The following CCPG1 variants were observed in gnomAD, a reference collection of about 807,000 sequenced individuals.
The protein encoded by CCPG1 is cell cycle progression 1.
CCPG1 carries 46 observed loss-of-function variants against 81.3 expected under a neutral mutation model. The observed-to-expected ratio is 0.57, with a 90% CI of 0.45 to 0.72. The LOEUF (loss-of-function observed/expected upper bound fraction) is 0.72. Ranked by LOEUF, CCPG1 falls within the 30% of genes least tolerant of loss-of-function variation. CCPG1 has a pLI of 0.00. For synonymous variants in CCPG1, 330 were observed against 305.2 expected, an observed-to-expected ratio of 1.08 and a Z score of -0.85; for missense variants, 902 against 937.6, an observed-to-expected ratio of 0.96 and a Z score of 0.50.
intron 6 of CCPG1, among the ~76,000 whole-genome samples, chr15:55,369,825 G>C (rs1187344983): frequency 6.6e-6 from 1 of 152,124 alleles, no homozygotes; most frequent in Non-Finnish European, 1.5e-5. Context: ...CAAAGGTCAT[G>C]TAAATGGTGA....
intron 5 of CCPG1, chr15:55,374,175 G>C: frequency 7.8e-7 from 1 of 1,288,990 alleles, no homozygotes; most frequent in Non-Finnish European, 1.0e-6. Flanking sequence ...GAGTTGGCTA[G>C]GAACATGGTG....
At chr15:55,404,780 T>G (rs1336365677) in intron 1 of CCPG1, among the ~76,000 whole-genome samples, 1 of 152,002 alleles carries the variant, frequency 6.6e-6, no homozygotes, top group Non-Finnish European at 1.5e-5. Context: ...ACATAAAATT[T>G]TAAAATTAGG....
At chr15:55,387,210 C>T (rs2141307707) in intron 2 of CCPG1, among the ~76,000 whole-genome samples, 1 of 152,324 alleles carries the variant, frequency 6.6e-6, no homozygotes, top group East Asian at 1.9e-4. Context: ...ACCCTAATGA[C>T]ACACTTGACT....
At chr15:55,407,420 T>C (rs1384926530) in intron 1 of CCPG1, among the ~76,000 whole-genome samples, 2 of 152,212 alleles carry the variant, frequency 1.3e-5, no homozygotes, top group Non-Finnish European at 1.5e-5. Context: ...TTTCAAGCAC[T>C]ATCCTGTAGA....
At chr15:55,393,012 G>A (rs1047500685) in intron 1 of CCPG1, among the ~76,000 whole-genome samples, 2 of 152,174 alleles carry the variant, frequency 1.3e-5, no homozygotes, top group African/African-American at 4.8e-5. Context: ...GCTGAGGCAG[G>A]AGAATTGCTT....
chr15:55,355,601 A>ATGTT lies in CCPG1; in HGVS notation c.*615_*618dup, dbSNP rs2141233302. On this transcript the variant is annotated 3_prime_UTR_variant, in exon 9 of 9. Transcript: ENST00000442196. ...AAAATACCACATAGTATAAAATTACATGTTAATACAATGCCAGATTTTAAA... is the reference window on the plus strand; with the variant it reads ...AAAATACCACATAGTATAAAATTACATGTTTGTTAATACAATGCCAGATTTTAAA... The ATGTT allele has an allele frequency of 2.2e-6, 1 of 456,444 alleles. No individual in the cohort carries two copies. The highest frequency in any genetic ancestry group is 3.8e-6 in the Non-Finnish European group (1 of 263,258). The allele number at this position is 456,444 out of a possible 1,614,324, so 28.3% of individuals were successfully genotyped here. A position where few individuals can be genotyped will look rare whatever the true frequency, so the allele number is the denominator to read the frequency against.
chr15:55,393,759 C>T (rs1404957084), intron 1 of CCPG1, among the ~76,000 whole-genome samples: 1 of 152,116 alleles, frequency 6.6e-6, no homozygotes, highest in Non-Finnish European at 1.5e-5. Flanking sequence ...ATTCACACTT[C>T]AGCTATGACA....
intron 6 of CCPG1, among the ~76,000 whole-genome samples, chr15:55,369,513 A>G (rs2056404332): frequency 2.0e-5 from 3 of 152,070 alleles, no homozygotes; most frequent in Non-Finnish European, 4.4e-5. Context: ...CAGCCTGGGC[A>G]ACAAGAGCAA....
chr15:55,401,665 CAA>C (rs59999532), intron 1 of CCPG1, among the ~76,000 whole-genome samples: 25,664 of 138,244 alleles, frequency 0.19, 3,822 homozygotes, highest in African/African-American at 0.43. Context: ...AACTCCGTCT[CAA>C]AAAAAAAAAA....
chr15:55,363,332 G>A (rs1018970215), intron 7 of CCPG1, among the ~76,000 whole-genome samples: 1 of 151,320 alleles, frequency 6.6e-6, no homozygotes, highest in African/African-American at 2.4e-5. Context: ...CTGGGCAACA[G>A]AGCGAGGCTC....
At chr15:55,367,078 C>T (rs560333296) in intron 6 of CCPG1, among the ~76,000 whole-genome samples, 2 of 152,292 alleles carry the variant, frequency 1.3e-5, no homozygotes, top group African/African-American at 4.8e-5. Flanking sequence ...TTACAGGTAA[C>T]TGTTACATAG....
At chr15:55,394,684 T>C (rs2056983156) in intron 1 of CCPG1, among the ~76,000 whole-genome samples, 1 of 152,110 alleles carries the variant, frequency 6.6e-6, no homozygotes, top group African/African-American at 2.4e-5. Flanking sequence ...CTGATCTTTA[T>C]GGTTTCTCTG....
intron 8 of CCPG1, 170 bp downstream of exon 8, chr15:55,359,369 C>G (rs2056144729): frequency 7.2e-7 from 1 of 1,384,212 alleles, no homozygotes; most frequent in African/African-American, 1.5e-5. Context: ...TTTGTAACAG[C>G]TAATAATTTT....
chr15:55,401,366 C>T (rs1237345095), intron 1 of CCPG1, among the ~76,000 whole-genome samples: 1 of 152,140 alleles, frequency 6.6e-6, no homozygotes, highest in Non-Finnish European at 1.5e-5. Context: ...TTCCCTGTCC[C>T]TCCCTAAAAA....
chr15:55,365,545 C>T (rs1324085045), intron 6 of CCPG1, among the ~76,000 whole-genome samples: 1 of 151,174 alleles, frequency 6.6e-6, no homozygotes, highest in Non-Finnish European at 1.5e-5. Context: ...CTCAGCTTCC[C>T]GAGTGTCTGG....
chr15:55,375,778 T>A (rs937468337), intron 5 of CCPG1, among the ~76,000 whole-genome samples: 6 of 150,872 alleles, frequency 4.0e-5, no homozygotes, highest in Non-Finnish European at 7.4e-5. Context: ...CACTACAGCC[T>A]CAACCTCCCA....
In CCPG1 at chr15:55,360,711, A is replaced by C. The variant is rs201840367; in HGVS notation, c.1062T>G (p.Leu354=). Reference sequence around the variant, plus strand: ...GCTTTTCCTCTTCCAAATGCTGCTTAAGTTTCTGATTTTCTTTAACTAATT... The same window carrying C: ...GCTTTTCCTCTTCCAAATGCTGCTTCAGTTTCTGATTTTCTTTAACTAATT... ...STELVKENQK[L]KQHLEEEKQK... Residue 354 remains leucine (L), a synonymous_variant, in exon 8 of 9, where the codon CTT becomes CTG. Coordinates refer to ENST00000442196, the MANE Select transcript of CCPG1 (RefSeq NM_001204450.2). 59 of 1,612,098 alleles carry C rather than the reference A, an allele frequency of 3.7e-5. 1 individual carries two copies. The South Asian group carries it at 6.2e-4, about 17-fold the overall frequency.
intron 6 of CCPG1, among the ~76,000 whole-genome samples, chr15:55,367,417 C>T (rs1312898171): frequency 6.6e-6 from 1 of 152,086 alleles, no homozygotes; most frequent in Non-Finnish European, 1.5e-5. Flanking sequence ...TTTTCCTGCA[C>T]CTTCAGCTAC....
chr15:55,376,897 A>G (rs1595840597), intron 5 of CCPG1, 52 bp downstream of exon 5: 1 of 1,319,578 alleles, frequency 7.6e-7, no homozygotes, highest in East Asian at 2.3e-5. Context: ...ACAAGCCTTT[A>G]TATAAAATGT....
Sources: allele counts gnomAD v4.1 joint callset (sites outside exome capture counted in the v4.1 genomes callset), GRCh38; gene constraint gnomAD v4.1.1; transcripts MANE v1.5; gene names NCBI Gene and HGNC (gene_info 2026-07-23, HGNC 2026-07-21).